Variants in FAM53A observed in about 807,000 individuals in gnomAD.
FAM53A encodes the protein protein FAM53A.
Under a neutral mutation model 26.6 loss-of-function variants are expected in FAM53A, and 28 were observed. The observed-to-expected ratio is 1.05, with a 90% CI of 0.78 to 1.45. The LOEUF (loss-of-function observed/expected upper bound fraction) is 1.45. Ranked by LOEUF, FAM53A falls within the 40% of genes most tolerant of loss-of-function variation. The pLI is 0.00. For synonymous variants in FAM53A, 290 were observed against 253.1 expected, an observed-to-expected ratio of 1.15 and a Z score of -1.38; for missense variants, 650 against 575.8, an observed-to-expected ratio of 1.13 and a Z score of -1.32.
At chr4:1,631,673 A>C (rs1715618532) in intron 1 of FAM53A, among the ~76,000 whole-genome samples, 1 of 152,146 alleles carries the variant, frequency 6.6e-6, no homozygotes, top group South Asian at 2.1e-4. Context: ...AAAGCTATAG[A>C]AACACTGATT....
the FAM53A span, among the ~76,000 whole-genome samples, chr4:1,584,882 G>A: frequency 6.6e-6 from 1 of 152,258 alleles, no homozygotes; most frequent in Non-Finnish European, 1.5e-5. Context: ...TAAGTCACAA[G>A]GGCCAATCCA....
chr4:1,661,280 T>C lies in FAM53A; in HGVS notation c.76-3812A>G, dbSNP rs541262614. On this transcript the variant is annotated intron_variant, in intron 2 of 4. Coordinates refer to ENST00000308132, the MANE Select transcript of FAM53A (RefSeq NM_001174070.3). ...ACCTGGCTGACTCCCCAGATGTCCA[T>C]ATGGCTCATCACCCACCTTCCAGCT... Among the ~76,000 whole-genome samples the C allele has an allele frequency of 2.6e-5, 4 of 152,192 alleles. No individual in the cohort carries two copies. The East Asian group carries it at 5.8e-4, about 22-fold the overall frequency.
intron 1 of FAM53A, among the ~76,000 whole-genome samples, chr4:1,673,559 C>A (rs1714830711): frequency 6.6e-6 from 1 of 152,144 alleles, no homozygotes; most frequent in Admixed American, 6.6e-5. Context: ...ATGGTGAAAC[C>A]CCATCTCTAT....
Position 1,640,959 on chromosome 4 carries a change from G to T in FAM53A, c.*334C>A, listed in dbSNP as rs536737232. 9.4e-4 allele frequency: 391 copies of T among 416,052 alleles called. 4 individuals are homozygous for T. The highest frequency in any genetic ancestry group is 8.6e-3 in the African/African-American group (353 of 40,848). The allele number at this position is 416,052 out of a possible 1,614,324, so 25.8% of individuals were successfully genotyped here. A position where few individuals can be genotyped will look rare whatever the true frequency, so the allele number is the denominator to read the frequency against. On this transcript the variant is annotated 3_prime_UTR_variant, in exon 5 of 5. Transcript: ENST00000308132. ...GTGCCCCAGGGCAGTGCAGGCGGCA[G>T]CCGTGGCCCCGACCAGCTCACAGGA...
downstream of FAM53A, among the ~76,000 whole-genome samples, chr4:1,635,876 C>T (rs191870251): frequency 4.4e-4 from 50 of 113,960 alleles, no homozygotes; most frequent in East Asian, 0.012. Context: ...TGGAGTCTTG[C>T]TCTGTCGCCC....
At chr4:1,635,081 A>G (rs1384376036), downstream of FAM53A, among the ~76,000 whole-genome samples, 1 of 152,066 alleles carries the variant, frequency 6.6e-6, no homozygotes, top group Non-Finnish European at 1.5e-5. Context: ...AGTCATTCAT[A>G]ATATCCTCTA....
chr4:1,624,161 G>A (rs936266444), intron 1 of FAM53A, among the ~76,000 whole-genome samples: 6 of 152,274 alleles, frequency 3.9e-5, no homozygotes, highest in African/African-American at 1.4e-4. Flanking sequence ...AGGGAGGGCT[G>A]GCATTGTGGG....
intron 3 of FAM53A, among the ~76,000 whole-genome samples, chr4:1,656,309 C>T (rs759399846): frequency 3.3e-5 from 5 of 152,220 alleles, no homozygotes; most frequent in East Asian, 1.9e-4. Context: ...GCCTGTCTAA[C>T]GCGCTCCCCA....
chr4:1,603,150 G>T, the FAM53A span, among the ~76,000 whole-genome samples: 1 of 152,212 alleles, frequency 6.6e-6, no homozygotes, highest in Admixed American at 6.5e-5. Context: ...GGCGAGCCGA[G>T]TAGCAAGGAG....
At chr4:1,641,827 TCTC>T (rs1218732117) in intron 4 of FAM53A, among the ~76,000 whole-genome samples, 1 of 151,510 alleles carries the variant, frequency 6.6e-6, no homozygotes, top group African/African-American at 2.4e-5. Flanking sequence ...GCCCCTCAGC[TCTC>T]CTCAGCCCCC....
chr4:1,625,664 C>A lies in FAM53A; in HGVS notation c.432-7553G>T, dbSNP rs538899755. On this transcript the variant is annotated intron_variant, in intron 1 of 1. Transcript: ENST00000489029. ...TCAGAAGGCCCCACGTCCCGACCCA[C>A]GTGGTCAGGGTCACGCCAGGTGATC... is the stretch of plus-strand genomic sequence containing the variant. Among the ~76,000 whole-genome samples the A allele has an allele frequency of 1.5e-5, 2 of 136,030 alleles. 1 individual carries two copies. The highest frequency in any genetic ancestry group is 3.2e-5 in the Non-Finnish European group (2 of 63,156). 89.2% of individuals were successfully genotyped at this position (136,030 alleles called of 152,430 possible). A position where few individuals can be genotyped will look rare whatever the true frequency, so the allele number is the denominator to read the frequency against.
chr4:1,608,640 C>T, the FAM53A span, among the ~76,000 whole-genome samples: 3 of 152,150 alleles, frequency 2.0e-5, no homozygotes, highest in South Asian at 6.2e-4. Flanking sequence ...GTCCTGCAGC[C>T]GCTACACACA....
At chr4:1,651,382 A>G (rs1397339591) in intron 4 of FAM53A, among the ~76,000 whole-genome samples, 3 of 151,736 alleles carry the variant, frequency 2.0e-5, no homozygotes, top group Non-Finnish European at 4.4e-5. Context: ...AAATACAAAT[A>G]TTAGCCAAGC....
chr4:1,649,882 T>A, intron 4 of FAM53A, among the ~76,000 whole-genome samples: 1 of 144,882 alleles, frequency 6.9e-6, no homozygotes, highest in African/African-American at 2.6e-5. Flanking sequence ...GTGGTGTTTG[T>A]GAGGTGGCAC....
intron 2 of FAM53A, among the ~76,000 whole-genome samples, chr4:1,663,840 TAA>T (rs200467394): frequency 2.4e-3 from 330 of 136,238 alleles, no homozygotes; most frequent in Middle Eastern, 3.7e-3. Context: ...ACCCTGTCTT[TAA>T]AAAAAAAAAA....
chr4:1,674,620 G>C (rs1023844013), intron 1 of FAM53A, among the ~76,000 whole-genome samples: 6 of 150,740 alleles, frequency 4.0e-5, no homozygotes, highest in Non-Finnish European at 8.8e-5. Flanking sequence ...AGTGAGCCGA[G>C]ATCATGCCAC....
rs1447888326 is a variant in FAM53A, at chr4:1,640,010, G to A, written c.*1283C>T. ...AGACCAGAGGCCTGAGGCGCAGCCA[G>A]GCCCACTTCAGATGGTGGAAACGAA... On this transcript the variant is annotated 3_prime_UTR_variant, in exon 5 of 5. Transcript: ENST00000308132. The A allele has an allele frequency of 6.6e-6, 1 of 152,278 alleles. No individual in the cohort carries two copies. The highest frequency in any genetic ancestry group is 2.4e-5 in the African/African-American group (1 of 41,474). 9.4% of individuals were successfully genotyped at this position (152,278 alleles called of 1,614,324 possible).
At chr4:1,621,640 C>G (rs983755701) in intron 1 of FAM53A, among the ~76,000 whole-genome samples, 1 of 152,206 alleles carries the variant, frequency 6.6e-6, no homozygotes, top group African/African-American at 2.4e-5. Flanking sequence ...TCCCAGGTCA[C>G]GGAGGCAGTG....
the FAM53A span, among the ~76,000 whole-genome samples, chr4:1,582,823 A>C: frequency 2.6e-5 from 4 of 152,226 alleles, no homozygotes. Flanking sequence ...ACTGCACTCC[A>C]ACATGGGCAA....
Sources: gnomAD v4.1 joint callset for allele counts (sites outside exome capture counted in the v4.1 genomes callset) on GRCh38, gnomAD v4.1.1 for gene constraint, MANE v1.5 for transcripts, NCBI Gene and HGNC (gene_info 2026-07-23, HGNC 2026-07-21) for gene names.